Variants in C1QTNF9B observed in about 807,000 individuals in gnomAD.
The protein encoded by C1QTNF9B is C1q and TNF related 9B.
A neutral mutation model predicts 10.1 loss-of-function variants in C1QTNF9B; 9 were observed. The ratio of observed to expected loss-of-function variants is 0.89; its 90% CI spans 0.53 to 1.55. The LOEUF is 1.55. Ranked by LOEUF, C1QTNF9B falls within the 40% of genes most tolerant of loss-of-function variation. C1QTNF9B has a pLI of 0.00. For synonymous variants in C1QTNF9B, 79 were observed against 159.9 expected, an observed-to-expected ratio of 0.49 and a Z score of 3.82; for missense variants, 196 against 414.4, an observed-to-expected ratio of 0.47 and a Z score of 4.58.
rs1052995123 is a variant in C1QTNF9B at position 23,894,315 on chromosome 13, G to A, written c.167-114C>T. ...GTCTGGGGGTGACCCCCGCCCTGACGGGCACTCTGTCCTCCACACGAGCGC... is the reference window on the plus strand; with the variant it reads ...GTCTGGGGGTGACCCCCGCCCTGACAGGCACTCTGTCCTCCACACGAGCGC... On this transcript the variant is annotated intron_variant, in intron 1 of 2. Transcript: ENST00000382137. The A allele has an allele frequency of 2.2e-5, 22 of 1,000,796 alleles. No individual in the cohort carries two copies. In the East Asian group the frequency reaches 2.4e-4, roughly 11 times the overall value. The allele number at this position is 1,000,796 out of a possible 1,614,324, so 62.0% of individuals were successfully genotyped here.
chr13:23,893,768 CCATGGTTTG>C (rs1197321918), intron 2 of C1QTNF9B, among the ~76,000 whole-genome samples: 1 of 152,178 alleles, frequency 6.6e-6, no homozygotes. Flanking sequence ...TGGTGCTCGG[CCATGGTTTG>C]CATGTTTAAA....
rs1220314079 is a variant in C1QTNF9B at position 23,894,102 on chromosome 13, G to A, written c.229+37C>T. ...TGGTAATATTGTTAAATAGTCGACA[G>A]CTCAGAATTAGAGCACCATAAATAG... is the stretch of plus-strand genomic sequence containing the variant. On this transcript the variant is annotated intron_variant, in intron 2 of 2. Coordinates refer to ENST00000382137, the Ensembl canonical transcript of C1QTNF9B. 4 of 1,396,532 alleles carry A rather than the reference G, an allele frequency of 2.9e-6. No homozygotes were observed. In the African/African-American group the frequency reaches 4.3e-5, roughly 15 times the overall value. The allele number at this position is 1,396,532 out of a possible 1,614,324, so 86.5% of individuals were successfully genotyped here.
intron 2 of C1QTNF9B, among the ~76,000 whole-genome samples, chr13:23,893,182 G>C (rs1872077333): frequency 6.6e-6 from 1 of 152,210 alleles, no homozygotes; most frequent in Non-Finnish European, 1.5e-5. Flanking sequence ...CGGAACTGGG[G>C]TGATAAAACT....
intron 1 of C1QTNF9B, chr13:23,894,583 C>T (rs778497114): frequency 1.2e-5 from 6 of 499,028 alleles, no homozygotes; most frequent in South Asian, 7.7e-5. Flanking sequence ...AGGAGGTTTC[C>T]TCACTCTGTT....
intron 2 of C1QTNF9B, among the ~76,000 whole-genome samples, chr13:23,893,172 C>T (rs993254872): frequency 4.6e-5 from 7 of 152,312 alleles, no homozygotes; most frequent in South Asian, 2.1e-4. Flanking sequence ...CCCTCACCTA[C>T]GGAACTGGGG....
At chr13:23,896,460 C>T (rs186395940) in intron 1 of C1QTNF9B, among the ~76,000 whole-genome samples, 9 of 152,328 alleles carry the variant, frequency 5.9e-5, no homozygotes, top group East Asian at 1.9e-4. Context: ...CTATTGGCCT[C>T]GTGTTGCCAA....
intron 1 of C1QTNF9B, among the ~76,000 whole-genome samples, chr13:23,896,399 C>T (rs1038235871): frequency 1.3e-5 from 2 of 152,228 alleles, no homozygotes; most frequent in African/African-American, 4.8e-5. Flanking sequence ...TTAGCTCTCA[C>T]CTGCACTGCA....
Position 23,896,079 on chromosome 13 carries a change from G to GAAGTTTT in C1QTNF9B, c.166+735_166+741dup, listed in dbSNP as rs375633904. On this transcript the variant is annotated intron_variant, in intron 1 of 2. Coordinates refer to ENST00000382137, the Ensembl canonical transcript of C1QTNF9B. ...AAACTTATTTGTAAAAAGGTCCATA[G>GAAGTTTT]AAGTTTTGATATTTTCTTTCTAATG... Among the ~76,000 whole-genome samples, 807 of 152,314 alleles carry GAAGTTTT rather than the reference G, an allele frequency of 5.3e-3. 11 individuals carry two copies. Among genetic ancestry groups the GAAGTTTT allele is most frequent in the African/African-American group, 0.019 (786 of 41,572 alleles).
chr13:23,891,388 C>T lies in C1QTNF9B; in HGVS notation c.903G>A (p.Met301Ile). Residue 301 changes from methionine to isoleucine, a missense_variant, in exon 3 of 3, where the codon ATG (methionine) becomes ATA (isoleucine). Met to Ile is a conservative substitution (Grantham distance 10). This residue lies in a region of C1QTNF9B where 72 missense variants were observed against 87.1 expected (regional missense o/e 0.83). Transcript: ENST00000382137. ...TCTCTCCTCCTGTCACCTGCAGCCA[C>T]ATCTCATCCCCGAGCTTCAGCTGCA... 1.9e-6 allele frequency: 3 copies of T among 1,581,780 alleles called. 1 individual carries two copies. The highest frequency in any genetic ancestry group is 2.6e-6 in the Non-Finnish European group (3 of 1,153,872).
exon 3 of C1QTNF9B, chr13:23,891,149 T>A (rs1871898754): frequency 1.2e-6 from 1 of 863,550 alleles, no homozygotes; most frequent in Non-Finnish European, 1.7e-6. Flanking sequence ...ATAGAATCAG[T>A]TTTGGGAATA....
chr13:23,895,756 TACACACAC>T (rs71185099), intron 1 of C1QTNF9B, among the ~76,000 whole-genome samples: 3 of 146,590 alleles, frequency 2.0e-5, no homozygotes, highest in Non-Finnish European at 3.0e-5. Flanking sequence ...GACACAGACA[TACACACAC>T]ACACACACAC....
At chr13:23,893,765 C>T (rs939614397) in intron 2 of C1QTNF9B, among the ~76,000 whole-genome samples, 4 of 152,118 alleles carry the variant, frequency 2.6e-5, no homozygotes, top group African/African-American at 9.7e-5. Context: ...GCATGGTGCT[C>T]GGCCATGGTT....
chr13:23,894,841 G>A (rs766428055), intron 1 of C1QTNF9B, among the ~76,000 whole-genome samples: 1 of 152,172 alleles, frequency 6.6e-6, no homozygotes, highest in Non-Finnish European at 1.5e-5. Flanking sequence ...CCAGGTCGGC[G>A]TGCTATCCGT....
upstream of C1QTNF9B, chr13:23,897,227 C>G (rs112400338): frequency 5.2e-4 from 263 of 506,900 alleles, no homozygotes; most frequent in African/African-American, 4.5e-3. Context: ...ACTCTTCAAG[C>G]TGAACGGGCA....
At chr13:23,894,457 C>T (rs571777685) in intron 1 of C1QTNF9B, 9 of 643,454 alleles carry the variant, frequency 1.4e-5, no homozygotes, top group East Asian at 6.1e-5. Context: ...GTGCCTAGAG[C>T]GCACAGCAAG....
intron 2 of C1QTNF9B, among the ~76,000 whole-genome samples, chr13:23,892,787 C>A (rs1438570950): frequency 6.6e-6 from 1 of 152,186 alleles, no homozygotes. Flanking sequence ...AAATTACAAC[C>A]CTACCATCTA....
chr13:23,891,613 G>A, exon 3 of C1QTNF9B: 2 of 1,612,712 alleles, frequency 1.2e-6, no homozygotes, highest in Non-Finnish European at 1.7e-6. Flanking sequence ...CATTATACAG[G>A]ATCTTATCAA....
In C1QTNF9B at chr13:23,891,227, G is replaced by T. The variant is rs1227185035; in HGVS notation, c.*62C>A. Reference sequence around the variant, plus strand: ...AGGAATTAATAAAGTAAAACCATCTGAATAAGTTCATCCCAAGCTGATTCT... The same window carrying T: ...AGGAATTAATAAAGTAAAACCATCTTAATAAGTTCATCCCAAGCTGATTCT... On this transcript the variant is annotated 3_prime_UTR_variant, in exon 3 of 3. Coordinates refer to ENST00000382137, the Ensembl canonical transcript of C1QTNF9B. 41 of 1,375,848 alleles carry T rather than the reference G, an allele frequency of 3.0e-5. 3 individuals carry two copies. The highest frequency in any genetic ancestry group is 3.7e-5 in the Non-Finnish European group (38 of 1,023,072). The allele number at this position is 1,375,848 out of a possible 1,614,324, so 85.2% of individuals were successfully genotyped here.
intron 1 of C1QTNF9B, among the ~76,000 whole-genome samples, chr13:23,895,940 A>G (rs1872184571): frequency 6.6e-6 from 1 of 152,222 alleles, no homozygotes; most frequent in African/African-American, 2.4e-5. Context: ...CACAGAGCAG[A>G]TGTGCCGGTT....
Sources: allele counts gnomAD v4.1 joint callset (sites outside exome capture counted in the v4.1 genomes callset), GRCh38; gene constraint gnomAD v4.1.1; regional missense constraint gnomAD v4.1.1; transcripts MANE v1.5; gene names NCBI Gene and HGNC (gene_info 2026-07-23, HGNC 2026-07-21).